RARB: variants seen among roughly 807,000 people sequenced by gnomAD.
RARB encodes HBV-activated protein.
A neutral mutation model predicts 51.9 loss-of-function variants in RARB; 17 were observed. That is an observed-to-expected ratio of 0.33 (90% CI 0.22 to 0.49). The LOEUF (loss-of-function observed/expected upper bound fraction) is 0.49, where lower values mean the gene tolerates loss of function less well. Ranked by LOEUF, RARB falls within the 20% of genes least tolerant of loss-of-function variation. The pLI, the probability that RARB is intolerant of heterozygous loss-of-function variation, is 0.99. For missense variants in RARB, 369 were observed against 550.8 expected (o/e 0.67, Z 3.30); for synonymous variants, 215 against 195.4 (o/e 1.10, Z -0.84).
intron 5 of RARB, among the ~76,000 whole-genome samples, chr3:25,215,165 G>T (rs73821763): frequency 1.3e-5 from 2 of 152,116 alleles, no homozygotes; most frequent in African/African-American, 2.4e-5. Context: ...CTTCTGTTTC[G>T]TTTGGTTTTG....
intron 2 of RARB, among the ~76,000 whole-genome samples, chr3:24,891,161 A>G (rs1413819779): frequency 6.6e-6 from 1 of 152,132 alleles, no homozygotes; most frequent in Non-Finnish European, 1.5e-5. Flanking sequence ...AGAACTATAA[A>G]TTTTAGTTTT....
At chr3:24,887,354 A>G (rs1703285884) in intron 2 of RARB, among the ~76,000 whole-genome samples, 1 of 152,232 alleles carries the variant, frequency 6.6e-6, no homozygotes, top group South Asian at 2.1e-4. Context: ...GCTGAGGCCG[A>G]TTTATTACAG....
chr3:25,489,855 G>T (rs1368165938), intron 2 of RARB, among the ~76,000 whole-genome samples: 2 of 152,198 alleles, frequency 1.3e-5, no homozygotes, highest in Non-Finnish European at 1.5e-5. Context: ...GGGCAGGTGG[G>T]CTTTAAACCA....
chr3:25,372,056 T>C (rs1036303112), intron 5 of RARB, among the ~76,000 whole-genome samples: 2 of 152,080 alleles, frequency 1.3e-5, no homozygotes, highest in Admixed American at 1.3e-4. Context: ...AAGAGAGGCA[T>C]AGAGGAGACC....
intron 3 of RARB, among the ~76,000 whole-genome samples, chr3:25,088,454 G>A (rs528191703): frequency 6.6e-6 from 1 of 152,240 alleles, no homozygotes; most frequent in African/African-American, 2.4e-5. Context: ...ATAATTGATG[G>A]CTGTGGGGTA....
Position 25,420,990 on chromosome 3 carries a change from C to CAAAAAAAAAAAAAAA in RARB, c.179-40203_179-40202insAAAAAAAAAAAAAAA. Among the ~76,000 whole-genome samples, 2 of 62,438 alleles carry CAAAAAAAAAAAAAAA rather than the reference C, an allele frequency of 3.2e-5. 1 individual carries two copies. The highest frequency in any genetic ancestry group is 6.5e-5 in the Non-Finnish European group (2 of 30,576). 41.0% of individuals were successfully genotyped at this position (62,438 alleles called of 152,430 possible). A position where few individuals can be genotyped will look rare whatever the true frequency, so the allele number is the denominator to read the frequency against. Reference sequence around the variant, plus strand: ...GTGCTGAGGCTCAACACCACTTATGCCAAAAAAAAAAAAAAAAAACAGAGT... The same window carrying CAAAAAAAAAAAAAAA: ...GTGCTGAGGCTCAACACCACTTATGCAAAAAAAAAAAAAAACAAAAAAAAAAAAAAAAAACAGAGT... On this transcript the variant is annotated intron_variant, in intron 5 of 11. Coordinates refer to the RARB transcript ENST00000383772.
intron 5 of RARB, among the ~76,000 whole-genome samples, chr3:25,256,065 C>T (rs1378242060): frequency 6.6e-6 from 1 of 152,074 alleles, no homozygotes; most frequent in African/African-American, 2.4e-5. Flanking sequence ...AATGATGTCA[C>T]ACATTGAACA....
At chr3:25,105,234 C>G (rs1294994036) in intron 3 of RARB, among the ~76,000 whole-genome samples, 1 of 151,968 alleles carries the variant, frequency 6.6e-6, no homozygotes, top group Non-Finnish European at 1.5e-5. Flanking sequence ...ATCTACACAC[C>G]ACTGGACTTT....
At chr3:25,378,869 G>T (rs1015458901) in intron 5 of RARB, among the ~76,000 whole-genome samples, 1 of 152,196 alleles carries the variant, frequency 6.6e-6, no homozygotes, top group Admixed American at 6.5e-5. Context: ...AGGGAAGATA[G>T]CAGCTTGAGA....
chr3:25,527,745 A>G (rs925053164), intron 3 of RARB, among the ~76,000 whole-genome samples: 1 of 152,210 alleles, frequency 6.6e-6, no homozygotes, highest in African/African-American at 2.4e-5. Flanking sequence ...TAACAAACCT[A>G]AATGTGATTA....
At chr3:25,347,416 A>G (rs1705427771) in intron 5 of RARB, among the ~76,000 whole-genome samples, 1 of 152,214 alleles carries the variant, frequency 6.6e-6, no homozygotes, top group South Asian at 2.1e-4. Context: ...AGTCATTGCC[A>G]CTCACCTAAA....
chr3:24,849,525 A>G (rs80356123), intron 1 of RARB, among the ~76,000 whole-genome samples: 1 of 152,334 alleles, frequency 6.6e-6, no homozygotes, highest in East Asian at 1.9e-4. Flanking sequence ...CAATTAAGTG[A>G]TATGTAACCT....
At chr3:25,252,090 C>A (rs147441315) in intron 5 of RARB, among the ~76,000 whole-genome samples, 26 of 152,038 alleles carry the variant, frequency 1.7e-4, no homozygotes, top group Non-Finnish European at 3.1e-4. Context: ...CACAGTTGTC[C>A]CAGCACCATT....
chr3:25,454,188 C>G (rs1013048160), intron 1 of RARB, among the ~76,000 whole-genome samples: 53 of 152,214 alleles, frequency 3.5e-4, no homozygotes, highest in African/African-American at 1.1e-3. Flanking sequence ...TGCGCACACG[C>G]AAATAGCGGA....
In RARB at chr3:25,392,552, G is replaced by A. The variant is rs562298691; in HGVS notation, c.179-68641G>A. On this transcript the variant is annotated intron_variant, in intron 5 of 11. Coordinates refer to the RARB transcript ENST00000383772. The stretch of plus-strand genomic sequence containing the variant: ...GGATGTGTTTCCATTTGTTTGTGTT[G>A]TCTGTGATTTCTTTCAGCAGTGTTT... Among the ~76,000 whole-genome samples, 5 of 152,044 alleles carry A rather than the reference G, an allele frequency of 3.3e-5. No individual in the cohort carries two copies. The South Asian group carries it at 1.0e-3, about 32-fold the overall frequency.
chr3:25,278,869 G>C (rs558621342), intron 5 of RARB, among the ~76,000 whole-genome samples: 1 of 152,248 alleles, frequency 6.6e-6, no homozygotes, highest in South Asian at 2.1e-4. Flanking sequence ...GAGCTCTTGA[G>C]GTAGGTGGCT....
At chr3:24,838,928 T>G (rs1462966106) in intron 1 of RARB, among the ~76,000 whole-genome samples, 1 of 23,762 alleles carries the variant, frequency 4.2e-5, no homozygotes, top group Admixed American at 5.4e-4. Flanking sequence ...AATCTCCAGG[T>G]TTTTTTTTTT....
chr3:24,847,654 G>T (rs374268070), intron 1 of RARB, among the ~76,000 whole-genome samples: 12 of 152,214 alleles, frequency 7.9e-5, no homozygotes, highest in African/African-American at 2.9e-4. Context: ...TTCTCACACT[G>T]CATGGGACTT....
At chr3:25,526,823 T>A (rs1251799750) in intron 3 of RARB, among the ~76,000 whole-genome samples, 1 of 152,154 alleles carries the variant, frequency 6.6e-6, no homozygotes, top group Non-Finnish European at 1.5e-5. Context: ...TTCAGGTAGA[T>A]CTTTAGTTTC....
Sources: gnomAD v4.1 joint callset for allele counts (sites outside exome capture counted in the v4.1 genomes callset) on GRCh38, gnomAD v4.1.1 for gene constraint, MANE v1.5 for transcripts, NCBI Gene and HGNC (gene_info 2026-07-23, HGNC 2026-07-21) for gene names.